Variants in TP53BP2 observed in about 807,000 individuals in gnomAD.
TP53BP2 encodes the protein apoptosis-stimulating of p53 protein 2.
TP53BP2 carries 62 observed loss-of-function variants against 126.2 expected under a neutral mutation model. The observed-to-expected ratio is 0.49, with a 90% CI of 0.40 to 0.61. TP53BP2 has a LOEUF of 0.61. TP53BP2 is among the 20% of genes least tolerant of loss of function. The probability of loss-of-function intolerance (pLI) is 0.00; values close to 1 mark genes in which losing one functional copy is unlikely to be tolerated. For synonymous variants in TP53BP2, 485 were observed against 502.9 expected, an observed-to-expected ratio of 0.96 and a Z score of 0.48; for missense variants, 1,215 against 1,402.8, an observed-to-expected ratio of 0.87 and a Z score of 2.14.
intron 13 of TP53BP2, among the ~76,000 whole-genome samples, 160 bp from the exon 14 acceptor site, chr1:223,793,600 T>C (rs749702430): frequency 5.3e-5 from 8 of 152,228 alleles, no homozygotes; most frequent in African/African-American, 9.6e-5. Context: ...CAGAAAAGTA[T>C]ACGAATCTGA....
chr1:223,831,232 A>G (rs1663695802), intron 1 of TP53BP2, among the ~76,000 whole-genome samples: 1 of 135,648 alleles, frequency 7.4e-6, no homozygotes, highest in African/African-American at 3.5e-5. Flanking sequence ...TTATATTAAA[A>G]AAAAAAAAAA....
intron 2 of TP53BP2, among the ~76,000 whole-genome samples, chr1:223,820,461 G>A (rs995078137): frequency 4.6e-5 from 7 of 152,150 alleles, no homozygotes; most frequent in East Asian, 1.9e-4. Context: ...AAAGTAATTC[G>A]GAGACTGCAG....
At chr1:223,845,174 G>A (rs1664223038) in intron 1 of TP53BP2, 2 of 906,200 alleles carry the variant, frequency 2.2e-6, no homozygotes, top group Non-Finnish European at 2.6e-6. Flanking sequence ...AGAGGTAAGG[G>A]TGACTTAGCT....
At chr1:223,845,240 T>C (rs1664225321) in intron 1 of TP53BP2, 1 of 985,278 alleles carries the variant, frequency 1.0e-6, no homozygotes. Context: ...AGGTACCCGT[T>C]CCAGTAACGT....
intron 2 of TP53BP2, chr1:223,818,105 G>T (rs1373062621): frequency 1.3e-5 from 2 of 152,452 alleles, no homozygotes; most frequent in Non-Finnish European, 2.9e-5. Flanking sequence ...TAAATGCAGA[G>T]AAAAGGTCTG....
At position 223,798,600 on chromosome 1, in the gene TP53BP2, T is replaced by C. The variant is rs762762209; in HGVS notation, c.1563A>G (p.Gly521=). The C allele has an allele frequency of 6.2e-7, 1 of 1,614,162 alleles. No homozygotes were observed. The highest frequency in any genetic ancestry group is 8.5e-7 in the Non-Finnish European group (1 of 1,180,024). ...TGTCTGAAGGTGGCTGATTAGTTTG[T>C]CCAAAATAAGGCAAATTAATCTGTT... ...KPKQINLPYF[G]QTNQPPSDIK... The change falls in exon 12 of 18, where the codon GGA becomes GGG. Residue 521 remains glycine (G), a synonymous_variant. Coordinates refer to ENST00000343537, the MANE Select transcript of TP53BP2 (RefSeq NM_001031685.3).
At chr1:223,800,205 T>C (rs915791297) in intron 10 of TP53BP2, among the ~76,000 whole-genome samples, 158 bp from the exon 11 acceptor site, 2 of 151,440 alleles carry the variant, frequency 1.3e-5, no homozygotes, top group African/African-American at 2.5e-5. Flanking sequence ...CCAAGCACTA[T>C]AATGATCGTA....
intron 17 of TP53BP2, among the ~76,000 whole-genome samples, chr1:223,783,092 TC>T (rs1420391820): frequency 2.6e-5 from 4 of 152,268 alleles, no homozygotes; most frequent in African/African-American, 9.6e-5. Flanking sequence ...ACAGACAGAA[TC>T]CTGTTCATCA....
chr1:223,835,146 C>T (rs958699803), intron 1 of TP53BP2, among the ~76,000 whole-genome samples: 1 of 152,368 alleles, frequency 6.6e-6, no homozygotes, highest in East Asian at 1.9e-4. Context: ...AGGATGTTCA[C>T]ATCCTGAAGC....
chr1:223,800,680 G>A lies in TP53BP2; in HGVS notation c.1336+20C>T, dbSNP rs1662499866. On this transcript the variant is annotated intron_variant, in intron 10 of 17. Coordinates refer to ENST00000343537, the MANE Select transcript of TP53BP2 (RefSeq NM_001031685.3). ...GATGACCAAAATTTAATGTTCAAGA[G>A]TAGCACAAATAAATCTCACCTTGAT... The A allele has an allele frequency of 3.9e-6, 6 of 1,556,568 alleles. No homozygotes were observed. Among genetic ancestry groups the A allele is most frequent in the Non-Finnish European group, 5.2e-6 (6 of 1,145,324 alleles).
chr1:223,783,247 CA>C (rs1661833408), intron 17 of TP53BP2, among the ~76,000 whole-genome samples: 1 of 152,182 alleles, frequency 6.6e-6, no homozygotes, highest in Non-Finnish European at 1.5e-5. Flanking sequence ...CAGGATTCTC[CA>C]GCCCTCCCCA....
intron 3 of TP53BP2, among the ~76,000 whole-genome samples, chr1:223,813,696 T>C (rs1007945822): frequency 2.0e-5 from 3 of 152,188 alleles, no homozygotes; most frequent in Non-Finnish European, 2.9e-5. Flanking sequence ...AAAAATCATG[T>C]ATGGTCTCAT....
chr1:223,807,125 T>A (rs533822567), intron 4 of TP53BP2, among the ~76,000 whole-genome samples, 178 bp from the exon 5 acceptor site: 2 of 152,340 alleles, frequency 1.3e-5, no homozygotes, highest in South Asian at 4.1e-4. Flanking sequence ...ACTCACCACA[T>A]TGACTTTTTA....
chr1:223,826,317 A>T (rs1404348274), intron 1 of TP53BP2, among the ~76,000 whole-genome samples: 1 of 152,162 alleles, frequency 6.6e-6, no homozygotes, highest in Non-Finnish European at 1.5e-5. Flanking sequence ...GCAGGGCTCC[A>T]CCCCAAGAAT....
chr1:223,828,360 A>C (rs1019355903), intron 1 of TP53BP2, among the ~76,000 whole-genome samples: 1 of 152,232 alleles, frequency 6.6e-6, no homozygotes. Context: ...GGGATGACTA[A>C]GTGAATTTTT....
chr1:223,791,018 G>A (rs1162909079), intron 15 of TP53BP2, among the ~76,000 whole-genome samples: 1 of 152,066 alleles, frequency 6.6e-6, no homozygotes, highest in Non-Finnish European at 1.5e-5. Flanking sequence ...GAAAACAAGG[G>A]CATTATGACA....
chr1:223,829,235 G>A (rs1002665840), intron 1 of TP53BP2, among the ~76,000 whole-genome samples: 1 of 152,198 alleles, frequency 6.6e-6, no homozygotes, highest in Admixed American at 6.5e-5. Context: ...CCAGGAAGCT[G>A]AGGTGGGAGG....
rs750314780 is a variant in TP53BP2 at position 223,784,149 on chromosome 1, T to G, written c.3329A>C (p.Asp1110Ala). 6.2e-7 allele frequency: 1 copy of G among 1,614,186 alleles called. No individual in the cohort carries two copies. The highest frequency in any genetic ancestry group is 8.5e-7 in the Non-Finnish European group (1 of 1,180,030). Residue 1110 changes from aspartate to alanine, a missense_variant, in exon 17 of 18, where the codon GAT (aspartate) becomes GCT (alanine). This residue lies in a region of TP53BP2 where 151 missense variants were observed against 231.2 expected (regional missense o/e 0.65). Coordinates refer to ENST00000343537, the MANE Select transcript of TP53BP2 (RefSeq NM_001031685.3). ...GTTACGTGGAACATATCCCTCCTTATCATTAAGGCGCGCCCACCACCATTC... is the reference window on the plus strand; with the variant it reads ...GTTACGTGGAACATATCCCTCCTTAGCATTAAGGCGCGCCCACCACCATTC... ...EIEWWWARLN[D>A]KEGYVPRNLL...
Position 223,803,347 on chromosome 1 carries a change from T to C in TP53BP2, c.755A>G (p.Lys252Arg). 6.2e-7 allele frequency: 1 copy of C among 1,614,034 alleles called. No individual in the cohort carries two copies. The highest frequency in any genetic ancestry group is 1.3e-5 in the African/African-American group (1 of 75,060). ...ATGGTGGCTGTCGATCCTGCCGTTC[T>C]TGAGCATCTCTAGCTGCCTGGTCAG... ...EELTRQLEMLKNGRIDSHHDN... is the reference protein window; with the variant it reads ...EELTRQLEMLRNGRIDSHHDN... Residue 252 changes from lysine (K) to arginine (R), a missense_variant, in exon 7 of 18, where the codon AAG becomes AGG. This residue lies in a region of TP53BP2 where 814 missense variants were observed against 853.0 expected (regional missense o/e 0.95). Coordinates refer to ENST00000343537, the MANE Select transcript of TP53BP2 (RefSeq NM_001031685.3).
Sources: gnomAD v4.1 joint callset for allele counts (sites outside exome capture counted in the v4.1 genomes callset) on GRCh38, gnomAD v4.1.1 for gene constraint, gnomAD v4.1.1 regional missense constraint, MANE v1.5 for transcripts, NCBI Gene and HGNC (gene_info 2026-07-23, HGNC 2026-07-21) for gene names.